UBAC2: variants seen among roughly 807,000 people sequenced by gnomAD.
UBAC2 encodes the protein UBA domain containing 2.
In UBAC2, 26 loss-of-function variants were observed where a neutral mutation model predicts 44.0. The ratio of observed to expected loss-of-function variants is 0.59; its 90% CI spans 0.43 to 0.82. The LOEUF is 0.82. UBAC2 is among the 40% of genes least tolerant of loss of function. The pLI is 0.00. For synonymous variants in UBAC2, 155 were observed against 154.3 expected (o/e 1.00, Z -0.04); for missense variants, 329 against 419.4 (o/e 0.78, Z 1.88).
intron 6 of UBAC2, among the ~76,000 whole-genome samples, chr13:99,339,189 T>C (rs1307623330): frequency 6.6e-6 from 1 of 152,192 alleles, no homozygotes; most frequent in Admixed American, 6.5e-5. Context: ...CTGCGCAGCA[T>C]CTGCTGCTTT....
At chr13:99,242,968 G>T (rs867004135) in intron 2 of UBAC2, among the ~76,000 whole-genome samples, 2 of 149,164 alleles carry the variant, frequency 1.3e-5, no homozygotes, top group East Asian at 4.0e-4. Flanking sequence ...CCGGGAAGAG[G>T]CGCTCCTCAC....
intron 6 of UBAC2, among the ~76,000 whole-genome samples, chr13:99,321,908 G>T (rs2044573568): frequency 6.6e-6 from 1 of 152,196 alleles, no homozygotes; most frequent in African/African-American, 2.4e-5. Context: ...TCCAGCTGCT[G>T]CCCAGGAAAG....
chr13:99,353,998 G>A (rs1287934534), intron 7 of UBAC2, among the ~76,000 whole-genome samples: 1 of 152,268 alleles, frequency 6.6e-6, no homozygotes, highest in Non-Finnish European at 1.5e-5. Flanking sequence ...GCCATACTGA[G>A]ATTTGGTAAA....
At position 99,224,590 on chromosome 13, in the gene UBAC2, T is replaced by G. The variant is rs187903391; in HGVS notation, c.32-13837T>G. On this transcript the variant is annotated intron_variant, in intron 1 of 8. Coordinates refer to ENST00000403766, the MANE Select transcript of UBAC2 (RefSeq NM_001144072.2). ...CACCTCCCACCCAATGTTTTAATTA[T>G]GAAAAATTTCAAACATGCCACAAAG... Among the ~76,000 whole-genome samples the G allele has an allele frequency of 6.7e-4, 102 of 152,308 alleles. 1 individual carries two copies. In the East Asian group the frequency reaches 0.018, roughly 27 times the overall value.
intron 1 of UBAC2, 109 bp downstream of exon 1, chr13:99,201,048 C>T (rs2042788913): frequency 3.1e-6 from 4 of 1,301,320 alleles, no homozygotes; most frequent in East Asian, 2.9e-5. Context: ...GGTGGTGGGG[C>T]CGACCCTCCA....
chr13:99,245,139 T>C (rs2043367896), intron 4 of UBAC2, among the ~76,000 whole-genome samples: 1 of 152,186 alleles, frequency 6.6e-6, no homozygotes, highest in African/African-American at 2.4e-5. Context: ...AGGCACCTTC[T>C]TTTTTTAGCT....
At chr13:99,304,372 G>A (rs2044300441) in intron 4 of UBAC2, among the ~76,000 whole-genome samples, 2 of 151,986 alleles carry the variant, frequency 1.3e-5, no homozygotes, top group Admixed American at 6.5e-5. Flanking sequence ...AGGCAGTGTG[G>A]GTGTATTTGT....
At chr13:99,368,878 G>A (rs1325967769) in intron 8 of UBAC2, among the ~76,000 whole-genome samples, 1 of 152,160 alleles carries the variant, frequency 6.6e-6, no homozygotes, top group Non-Finnish European at 1.5e-5. Flanking sequence ...CAGGCCCAGT[G>A]TAGGGAACGT....
At chr13:99,361,325 G>A (rs538929483) in intron 7 of UBAC2, among the ~76,000 whole-genome samples, 3 of 152,270 alleles carry the variant, frequency 2.0e-5, no homozygotes, top group Non-Finnish European at 4.4e-5. Context: ...TGTTTATAGA[G>A]GCTCATATTT....
At chr13:99,248,462 G>C (rs907320010) in intron 4 of UBAC2, among the ~76,000 whole-genome samples, 1 of 146,320 alleles carries the variant, frequency 6.8e-6, no homozygotes, top group Non-Finnish European at 1.5e-5. Context: ...CGTGATTTCT[G>C]CTCACTGCAA....
chr13:99,289,029 G>A (rs974757217), intron 4 of UBAC2, among the ~76,000 whole-genome samples: 1 of 152,208 alleles, frequency 6.6e-6, no homozygotes, highest in Non-Finnish European at 1.5e-5. Flanking sequence ...ACCGTACGAT[G>A]GCTGGCAAAG....
chr13:99,373,645 G>A (rs2045439802), intron 8 of UBAC2, among the ~76,000 whole-genome samples: 1 of 152,238 alleles, frequency 6.6e-6, no homozygotes, highest in Admixed American at 6.5e-5. Context: ...TCAGGGCAGT[G>A]GTGTTGCAGA....
intron 4 of UBAC2, among the ~76,000 whole-genome samples, chr13:99,260,688 G>C (rs1177208199): frequency 3.3e-5 from 5 of 152,144 alleles, no homozygotes; most frequent in South Asian, 4.1e-4. Flanking sequence ...GTAGACACAA[G>C]TTTCTTTAAT....
rs76552170 is a variant in UBAC2, at chr13:99,280,481, T to C, written c.390-33616T>C. Among the ~76,000 whole-genome samples the C allele has an allele frequency of 5.4e-4, 82 of 152,354 alleles. 3 individuals carry two copies. The East Asian group carries it at 0.016, about 29-fold the overall frequency. The stretch of plus-strand genomic sequence containing the variant: ...TGGGTAGCTCTGCTCCACGAAACCC[T>C]GCTCCAGCCAGAGTTGGAATTAACC... On this transcript the variant is annotated intron_variant, in intron 4 of 8. Coordinates refer to ENST00000403766, the MANE Select transcript of UBAC2 (RefSeq NM_001144072.2).
intron 5 of UBAC2, among the ~76,000 whole-genome samples, chr13:99,316,809 A>G (rs190538840): frequency 1.1e-4 from 16 of 152,214 alleles, no homozygotes; most frequent in Admixed American, 1.0e-3. Context: ...TCCTGGATAC[A>G]CTCCAGCCCA....
At chr13:99,279,932 G>C (rs2043931009) in intron 4 of UBAC2, among the ~76,000 whole-genome samples, 1 of 152,242 alleles carries the variant, frequency 6.6e-6, no homozygotes. Flanking sequence ...GAAACATTCA[G>C]TTGATAGCAC....
At chr13:99,304,307 C>T (rs2044299256) in intron 4 of UBAC2, among the ~76,000 whole-genome samples, 1 of 152,172 alleles carries the variant, frequency 6.6e-6, no homozygotes, top group Non-Finnish European at 1.5e-5. Flanking sequence ...TCTTACTTTC[C>T]TTCAAGCCTT....
chr13:99,324,555 A>G (rs373731487), intron 6 of UBAC2, among the ~76,000 whole-genome samples: 4 of 152,266 alleles, frequency 2.6e-5, no homozygotes, highest in Non-Finnish European at 2.9e-5. Flanking sequence ...TTACCACAGT[A>G]TAACTTAGAA....
In UBAC2 at chr13:99,338,088, C is replaced by G. The variant is rs573957690; in HGVS notation, c.562-2232C>G. On this transcript the variant is annotated intron_variant, in intron 6 of 8. Coordinates refer to ENST00000403766, the MANE Select transcript of UBAC2 (RefSeq NM_001144072.2). ...TTTTTTTTTTTTTGAGACAGAGTCT[C>G]ACTGTGTCGCCCAGGCTGGAGTGCA... Among the ~76,000 whole-genome samples the G allele has an allele frequency of 1.7e-3, 144 of 85,796 alleles. 1 individual carries two copies. The highest frequency in any genetic ancestry group is 2.5e-3 in the Admixed American group (14 of 5,570). The allele number at this position is 85,796 out of a possible 152,430, so 56.3% of individuals were successfully genotyped here.
Sources: gnomAD v4.1 joint callset for allele counts (sites outside exome capture counted in the v4.1 genomes callset) on GRCh38, gnomAD v4.1.1 for gene constraint, MANE v1.5 for transcripts, NCBI Gene and HGNC (gene_info 2026-07-23, HGNC 2026-07-21) for gene names.